The following ELAC2 variants were observed in gnomAD, a reference collection of about 807,000 sequenced individuals.
The protein encoded by ELAC2 is zinc phosphodiesterase ELAC protein 2.
A neutral mutation model predicts 105.2 loss-of-function variants in ELAC2; 92 were observed. That is an observed-to-expected ratio of 0.87 (90% CI 0.74 to 1.04). The LOEUF is 1.04. Ranked by LOEUF, ELAC2 falls within the 50% of genes least tolerant of loss-of-function variation. The pLI is 0.00. For synonymous variants in ELAC2, 468 were observed against 409.1 expected (o/e 1.14, Z -1.74); for missense variants, 1,099 against 1,071.7 (o/e 1.03, Z -0.36).
At chr17:13,013,662 G>A (rs756577739) in intron 5 of ELAC2, among the ~76,000 whole-genome samples, 3 of 152,160 alleles carry the variant, frequency 2.0e-5, no homozygotes, top group African/African-American at 7.2e-5. Context: ...TTCTATAAAA[G>A]AGGAGTATTA....
Position 12,994,462 on chromosome 17 carries a change from C to G in ELAC2, c.2071G>C (p.Asp691His). The G allele has an allele frequency of 1.2e-6, 2 of 1,614,228 alleles. No individual in the cohort carries two copies. Among genetic ancestry groups the G allele is most frequent in the Non-Finnish European group, 1.7e-6 (2 of 1,180,048 alleles). ...TCCACTGCTTCCTCTTCCAAACCAT[C>G]TTCCAGGGTGGCTTCATGTATCAGG... ...TLLIHEATLE[D>H]GLEEEAVEKT... The change falls in exon 22 of 24, where the codon GAT becomes CAT. Residue 691 changes from aspartate to histidine, a missense_variant. Physicochemically the swap from Asp to His is moderately conservative, Grantham distance 81. Coordinates refer to ENST00000338034, the MANE Select transcript of ELAC2 (RefSeq NM_018127.7).
At chr17:13,005,574 C>T (rs912769334) in intron 10 of ELAC2, among the ~76,000 whole-genome samples, 179 bp downstream of exon 10, 13 of 152,122 alleles carry the variant, frequency 8.5e-5, no homozygotes, top group Non-Finnish European at 1.6e-4. Flanking sequence ...CGAATGCAGC[C>T]GTGTTGACAT....
In ELAC2 at chr17:12,995,955, C is replaced by T; in HGVS notation, c.1683G>A (p.Gln561=). Reference sequence around the variant, plus strand: ...CCACACTTACCAAGGCGCGTTCTCTCTGCAGCAAGATACTTGGCAAGCCCT... The same window carrying T: ...CCACACTTACCAAGGCGCGTTCTCTTTGCAGCAAGATACTTGGCAAGCCCT... The part of the protein sequence containing the change: ...HHTGLPSILL[Q]RERALASLGK... Residue 561 remains glutamine (Q), a synonymous_variant, in exon 18 of 24, where the codon CAG becomes CAA. Coordinates refer to ENST00000338034, the MANE Select transcript of ELAC2 (RefSeq NM_018127.7). 4 of 1,596,640 alleles carry T rather than the reference C, an allele frequency of 2.5e-6. No individual in the cohort carries two copies. Among genetic ancestry groups the T allele is most frequent in the Non-Finnish European group, 3.4e-6 (4 of 1,170,268 alleles).
chr17:13,005,678 C>A, intron 10 of ELAC2, 75 bp downstream of exon 10: 1 of 1,505,390 alleles, frequency 6.6e-7, no homozygotes, highest in East Asian at 2.3e-5. Context: ...TCTGTAGGGC[C>A]TGAAGAAGAC....
rs758548352 is a variant in ELAC2, at chr17:13,017,130, C to T, written c.246-9G>A. ...CACAGTTGAAGAGATACCTACAAGA[C>T]AAACATTACACAAGACATTCAGAAG... On this transcript the variant is annotated splice_polypyrimidine_tract_variant and intron_variant, in intron 1 of 23. Coordinates refer to ENST00000338034, the MANE Select transcript of ELAC2 (RefSeq NM_018127.7). The T allele has an allele frequency of 5.6e-6, 9 of 1,612,218 alleles. No individual in the cohort carries two copies. In the South Asian group the frequency reaches 9.9e-5, roughly 18 times the overall value.
chr17:12,994,534 G>T (rs989480488), intron 21 of ELAC2, 31 bp from the exon 22 acceptor site: 21 of 1,613,522 alleles, frequency 1.3e-5, no homozygotes, highest in Non-Finnish European at 1.7e-5. Flanking sequence ...TCAGGGCAGA[G>T]TTCTCTGCGA....
chr17:13,000,135 G>C (rs1015826110), intron 15 of ELAC2, 21 bp downstream of exon 15: 2 of 1,603,232 alleles, frequency 1.2e-6, no homozygotes, highest in Non-Finnish European at 1.7e-6. Flanking sequence ...AAGAAAGGCT[G>C]CTCTGTGGGC....
intron 14 of ELAC2, chr17:13,000,545 C>T: frequency 2.1e-6 from 1 of 474,032 alleles, no homozygotes; most frequent in East Asian, 4.3e-5. Flanking sequence ...TGTCCTGGTG[C>T]AGTACCCCTG....
intron 17 of ELAC2, 109 bp from the exon 18 acceptor site, chr17:12,996,087 C>T: frequency 8.1e-7 from 1 of 1,239,400 alleles, no homozygotes; most frequent in Non-Finnish European, 1.1e-6. Flanking sequence ...ACGTCACCCA[C>T]CAGCCTCTAA....
At position 13,015,808 on chromosome 17, in the gene ELAC2, G is replaced by C; in HGVS notation, c.392C>G (p.Thr131Ser). Residue 131 changes from threonine (T) to serine (S), a missense_variant, in exon 4 of 24, where the codon ACC becomes AGC. Thr to Ser is a moderately conservative substitution (Grantham distance 58, BLOSUM62 1). Transcript: ENST00000338034. ...LSGMILTLKE[T>S]GLPKCVLSGP... is the part of the protein sequence containing the mutation. ...AGAAAGTACACACTTTGGAAGCCCG[G>C]TTTCCTTTAAAGTAAGAATCATTCC... 6.2e-7 allele frequency: 1 copy of C among 1,614,054 alleles called. No homozygotes were observed. Among genetic ancestry groups the C allele is most frequent in the Non-Finnish European group, 8.5e-7 (1 of 1,179,936 alleles).
intron 12 of ELAC2, 91 bp downstream of exon 12, chr17:13,003,388 G>T: frequency 8.4e-7 from 1 of 1,184,124 alleles, no homozygotes; most frequent in Non-Finnish European, 1.3e-6. Flanking sequence ...CAGAAGGGTA[G>T]GTAGCGCTGG....
In ELAC2 at chr17:13,017,784, G is replaced by A; in HGVS notation, c.164C>T (p.Pro55Leu). 6.2e-7 allele frequency: 1 copy of A among 1,609,702 alleles called. No homozygotes were observed. The highest frequency in any genetic ancestry group is 8.5e-7 in the Non-Finnish European group (1 of 1,178,634). The change falls in exon 1 of 24, where the codon CCA becomes CTA. Residue 55 changes from proline (P) to leucine (L), a missense_variant. Pro to Leu is a moderately conservative substitution (Grantham distance 98). Coordinates refer to ENST00000338034, the MANE Select transcript of ELAC2 (RefSeq NM_018127.7). ...KRGPSGCSGG[P>L]NTVYLQVVAA... ...CACCACCTGCAGGTACACGGTGTTTGGGCCGCCGGAGCACCCCGACGGTCC... is the reference window on the plus strand; with the variant it reads ...CACCACCTGCAGGTACACGGTGTTTAGGCCGCCGGAGCACCCCGACGGTCC...
intron 14 of ELAC2, chr17:13,000,607 A>T: frequency 2.6e-6 from 1 of 383,182 alleles, no homozygotes. Flanking sequence ...GTGACAACCA[A>T]GAACGTTTCC....
At chr17:12,998,168 C>A (rs1401688381) in intron 16 of ELAC2, among the ~76,000 whole-genome samples, 1 of 152,184 alleles carries the variant, frequency 6.6e-6, no homozygotes, top group Non-Finnish European at 1.5e-5. Context: ...GTACTGCCCA[C>A]AGTAAAATCA....
chr17:13,013,154 T>C, intron 6 of ELAC2, 53 bp downstream of exon 6: 1 of 1,596,120 alleles, frequency 6.3e-7, no homozygotes, highest in Non-Finnish European at 8.6e-7. Context: ...ATCCATGTTT[T>C]CTTTACTCAG....
At chr17:13,007,525 C>T (rs2041176802) in intron 8 of ELAC2, among the ~76,000 whole-genome samples, 1 of 152,212 alleles carries the variant, frequency 6.6e-6, no homozygotes, top group African/African-American at 2.4e-5. Context: ...CACGACCCAA[C>T]ATTCTCTCCA....
intron 3 of ELAC2, 139 bp downstream of exon 3, chr17:13,016,723 T>C: frequency 1.2e-6 from 1 of 811,394 alleles, no homozygotes; most frequent in Non-Finnish European, 1.9e-6. Context: ...AAGGTTGCAG[T>C]GAGCCAAGAT....
intron 12 of ELAC2, among the ~76,000 whole-genome samples, 194 bp downstream of exon 12, chr17:13,003,285 C>A (rs1196272010): frequency 6.6e-6 from 1 of 152,152 alleles, no homozygotes; most frequent in Non-Finnish European, 1.5e-5. Context: ...CACTGCGCCA[C>A]CTAGCGGTGC....
chr17:13,017,992 CCCGCGTTTCCCGTGCACCACCTAG>C lies in ELAC2; in HGVS notation c.-69_-46del. The C allele has an allele frequency of 6.5e-7, 1 of 1,533,858 alleles. No homozygotes were observed. The highest frequency in any genetic ancestry group is 8.7e-7 in the Non-Finnish European group (1 of 1,146,566). On this transcript the variant is annotated 5_prime_UTR_variant, in exon 1 of 24. An upstream open reading frame in the 5' UTR loses its in-frame stop. Coordinates refer to ENST00000338034, the MANE Select transcript of ELAC2 (RefSeq NM_018127.7). ...CTGAGAAAGCCGCCGGTCACCTACG[CCCGCGTTTCCCGTGCACCACCTAG>C]CCGCTCCGCATGGCGGATCCAGCCA...
Sources: allele counts gnomAD v4.1 joint callset (sites outside exome capture counted in the v4.1 genomes callset), GRCh38; gene constraint gnomAD v4.1.1; transcripts MANE v1.5; gene names NCBI Gene and HGNC (gene_info 2026-07-23, HGNC 2026-07-21).